KCNIP1: variants seen among roughly 807,000 people sequenced by gnomAD.
The protein encoded by KCNIP1 is potassium voltage-gated channel interacting protein 1, also known as A-type potassium channel modulatory protein KCNIP1.
Under a neutral mutation model 33.0 loss-of-function variants are expected in KCNIP1, and 18 were observed. The observed-to-expected ratio is 0.55, with a 90% confidence interval of 0.38 to 0.81. The LOEUF (loss-of-function observed/expected upper bound fraction) is 0.81, where lower values mean the gene tolerates loss of function less well. KCNIP1 is among the 30% of genes least tolerant of loss of function. The pLI, the probability that KCNIP1 is intolerant of heterozygous loss-of-function variation, is 0.00. For missense variants in KCNIP1, 238 were observed against 271.6 expected (o/e 0.88, Z 0.87); for synonymous variants, 93 against 98.3 (o/e 0.95, Z 0.32).
In KCNIP1 at chr5:170,736,059, C is replaced by G. The variant is rs1426814182; in HGVS notation, c.*253C>G. On this transcript the variant is annotated 3_prime_UTR_variant, in exon 8 of 8. Coordinates refer to ENST00000328939, the MANE Select transcript of KCNIP1 (RefSeq NM_014592.4). ...AATTTGAGTTTGTTTTGGAAGCATG[C>G]TCATCTCCTCACACTGCTGCCCTAT... 2 of 531,406 alleles carry G rather than the reference C, an allele frequency of 3.8e-6. No individual in the cohort carries two copies. Among genetic ancestry groups the G allele is most frequent in the Non-Finnish European group, 6.7e-6 (2 of 297,644 alleles). The allele number at this position is 531,406 out of a possible 1,614,324, so 32.9% of individuals were successfully genotyped here.
At chr5:170,639,592 TC>T (rs1168682921) in intron 1 of KCNIP1, 1 of 152,232 alleles carries the variant, frequency 6.6e-6, no homozygotes, top group Non-Finnish European at 1.5e-5. Context: ...ATAAGGTTGT[TC>T]CTTGTAATAC....
At chr5:170,664,982 T>A (rs1761649230) in intron 1 of KCNIP1, among the ~76,000 whole-genome samples, 1 of 152,314 alleles carries the variant, frequency 6.6e-6, no homozygotes, top group East Asian at 1.9e-4. Flanking sequence ...CTAGAAGTCT[T>A]TCCCTGTAGC....
At chr5:170,353,778 G>T (rs1763272863) in exon 1 of KCNIP1, 3 of 1,058,038 alleles carry the variant, frequency 2.8e-6, no homozygotes, top group Admixed American at 1.9e-5. Context: ...CGTCACTCAG[G>T]GTTCATTCAC....
intron 1 of KCNIP1, among the ~76,000 whole-genome samples, chr5:170,555,190 C>T (rs1282567443): frequency 2.0e-5 from 3 of 152,170 alleles, no homozygotes; most frequent in Non-Finnish European, 4.4e-5. Context: ...TCAGCCATTA[C>T]TCAGGAGATC....
chr5:170,405,905 AAAC>A (rs1755027792), intron 1 of KCNIP1, among the ~76,000 whole-genome samples: 1 of 152,096 alleles, frequency 6.6e-6, no homozygotes, highest in Non-Finnish European at 1.5e-5. Context: ...ATTCTCATGG[AAAC>A]CTTGTGTGAT....
chr5:170,717,918 C>T (rs1163484469), intron 1 of KCNIP1, among the ~76,000 whole-genome samples: 1 of 152,180 alleles, frequency 6.6e-6, no homozygotes, highest in African/African-American at 2.4e-5. Context: ...GTTTATAGAA[C>T]ACATTCTGGC....
intron 1 of KCNIP1, among the ~76,000 whole-genome samples, chr5:170,615,067 T>C (rs1034918365): frequency 1.3e-5 from 2 of 152,074 alleles, no homozygotes; most frequent in East Asian, 1.9e-4. Context: ...ATACAAAAAA[T>C]AGCTGGGCGT....
At chr5:170,684,949 T>G (rs977227796) in intron 1 of KCNIP1, among the ~76,000 whole-genome samples, 7 of 143,756 alleles carry the variant, frequency 4.9e-5, no homozygotes, top group Non-Finnish European at 6.0e-5. Flanking sequence ...AAGAACACTT[T>G]TACTTCCTCC....
chr5:170,502,967 G>T (rs533101392), upstream of KCNIP1, among the ~76,000 whole-genome samples: 2 of 152,172 alleles, frequency 1.3e-5, no homozygotes, highest in African/African-American at 4.8e-5. Flanking sequence ...CTCACAGAAG[G>T]GAAATGGCTT....
At chr5:170,656,638 T>A (rs531690648) in intron 1 of KCNIP1, among the ~76,000 whole-genome samples, 3 of 152,160 alleles carry the variant, frequency 2.0e-5, no homozygotes, top group Non-Finnish European at 4.4e-5. Flanking sequence ...AGGCCACCCA[T>A]GAAGATCAGC....
chr5:170,567,773 T>A (rs1365084755), intron 1 of KCNIP1, among the ~76,000 whole-genome samples: 2 of 152,146 alleles, frequency 1.3e-5, no homozygotes, highest in African/African-American at 4.8e-5. Context: ...CCAGAGGCCA[T>A]CTGTTAATGG....
intron 1 of KCNIP1, among the ~76,000 whole-genome samples, chr5:170,463,678 T>C (rs952337106): frequency 3.3e-5 from 5 of 152,160 alleles, no homozygotes; most frequent in African/African-American, 7.2e-5. Flanking sequence ...CTCAATGTGA[T>C]AAAGGACATC....
chr5:170,510,139 C>T (rs191157040), intron 1 of KCNIP1, among the ~76,000 whole-genome samples: 1 of 152,234 alleles, frequency 6.6e-6, no homozygotes, highest in Non-Finnish European at 1.5e-5. Context: ...TCAATGCCAC[C>T]GCTCTGGGAA....
chr5:170,610,445 A>G (rs1474711360), intron 1 of KCNIP1, among the ~76,000 whole-genome samples: 1 of 152,208 alleles, frequency 6.6e-6, no homozygotes, highest in African/African-American at 2.4e-5. Context: ...GCACCAAGCT[A>G]TGTCACCCAG....
At position 170,523,250 on chromosome 5, in the gene KCNIP1, C is replaced by A. The variant is rs111672078; in HGVS notation, c.61+18617C>A. On this transcript the variant is annotated intron_variant, in intron 1 of 7. Transcript: ENST00000328939. The stretch of plus-strand genomic sequence containing the variant: ...TCAGTTCCCTCGGCCAGGGACTGCA[C>A]TCCTGATCTTGCGTGCTGCAGAGAG... 7.2e-5 allele frequency among the ~76,000 whole-genome samples: 11 copies of A among 152,362 alleles called. 1 individual carries two copies. Among genetic ancestry groups the A allele is most frequent in the African/African-American group, 2.4e-4 (10 of 41,590 alleles).
At position 170,466,446 on chromosome 5, in the gene KCNIP1, T is replaced by C. The variant is rs149769731; in HGVS notation, c.88+112482T>C. ...GAGATGGTAATAAAATAAATACAATTTTTAAATGGATGGAATTTCCAGGGA... is the reference window on the plus strand; with the variant it reads ...GAGATGGTAATAAAATAAATACAATCTTTAAATGGATGGAATTTCCAGGGA... On this transcript the variant is annotated intron_variant, in intron 1 of 7. Coordinates refer to the KCNIP1 transcript ENST00000377360. 3.4e-3 allele frequency among the ~76,000 whole-genome samples: 512 copies of C among 152,254 alleles called. 1 individual carries two copies. The highest frequency in any genetic ancestry group is 6.4e-3 in the Non-Finnish European group (432 of 68,026).
At chr5:170,548,567 C>T (rs952097784) in intron 1 of KCNIP1, among the ~76,000 whole-genome samples, 8 of 152,198 alleles carry the variant, frequency 5.3e-5, no homozygotes, top group African/African-American at 1.9e-4. Context: ...TGAGAGCTCA[C>T]ATATGGTTAC....
At chr5:170,560,398 C>A (rs908306140) in intron 1 of KCNIP1, among the ~76,000 whole-genome samples, 2 of 152,154 alleles carry the variant, frequency 1.3e-5, no homozygotes, top group African/African-American at 2.4e-5. Context: ...GCAGCCCTGG[C>A]AAAGCCCCAG....
chr5:170,429,218 A>C (rs1294647675), intron 1 of KCNIP1, among the ~76,000 whole-genome samples: 4 of 152,080 alleles, frequency 2.6e-5, no homozygotes, highest in Non-Finnish European at 5.9e-5. Context: ...CAGCCACCAG[A>C]GGGAACATCT....
Sources: allele counts gnomAD v4.1 joint callset (sites outside exome capture counted in the v4.1 genomes callset), GRCh38; gene constraint gnomAD v4.1.1; transcripts MANE v1.5; gene names NCBI Gene and HGNC (gene_info 2026-07-23, HGNC 2026-07-21).